KCNQ1: variants seen among roughly 807,000 people sequenced by gnomAD.
The protein encoded by KCNQ1 is potassium voltage-gated channel subfamily Q member 1.
In KCNQ1, 49 loss-of-function variants were observed where a neutral mutation model predicts 72.4. That is an observed-to-expected ratio of 0.68 (90% CI 0.54 to 0.86). The LOEUF is 0.86. KCNQ1 is among the 40% of genes least tolerant of loss of function. The pLI is 0.00. For synonymous variants in KCNQ1, 450 were observed against 412.6 expected (o/e 1.09, Z -1.10); for missense variants, 790 against 945.1 (o/e 0.84, Z 2.15).
At chr11:2,837,205 C>T (rs372126132) in intron 15 of KCNQ1, among the ~76,000 whole-genome samples, 35 of 152,286 alleles carry the variant, frequency 2.3e-4, no homozygotes, top group East Asian at 2.1e-3. Flanking sequence ...CAGCCAAGAG[C>T]GCCCGGGGAG....
chr11:2,618,195 T>C, intron 10 of KCNQ1: 1 of 398,560 alleles, frequency 2.5e-6, no homozygotes, highest in Non-Finnish European at 4.4e-6. Context: ...TTTATTTCTA[T>C]GTATGGTGTA....
chr11:2,760,784 C>T (rs148041611), intron 11 of KCNQ1, among the ~76,000 whole-genome samples: 140 of 152,352 alleles, frequency 9.2e-4, no homozygotes, highest in Admixed American at 8.6e-3. Context: ...CCTTGTCCCC[C>T]TTGCAGGACA....
In KCNQ1 at chr11:2,483,691, G is replaced by C. The variant is rs1846689563; in HGVS notation, c.386+38207G>C. 6.6e-6 allele frequency among the ~76,000 whole-genome samples: 1 copy of C among 152,090 alleles called. No individual in the cohort carries two copies. The highest frequency in any genetic ancestry group is 2.4e-5 in the African/African-American group (1 of 41,398). ...ATTAGATCAAGATTGTGCATTTTTG[G>C]CAAGAACACCGCGGGAGTGTTGTTG... On this transcript the variant is annotated intron_variant, in intron 1 of 15. Coordinates refer to ENST00000155840, the MANE Select transcript of KCNQ1 (RefSeq NM_000218.3). This position sits in a 1 kb window ranked among gnomAD's most constrained non-coding sequence, Gnocchi z 6.1.
intron 10 of KCNQ1, chr11:2,660,348 T>A (rs556987363): frequency 2.5e-6 from 1 of 398,506 alleles, no homozygotes; most frequent in East Asian, 3.6e-5. Context: ...AGGAATAAAT[T>A]TAAGAGAGAA....
rs181346990 is a variant in KCNQ1, at chr11:2,613,441, A to G, written c.1393+24587A>G. 569 of 398,536 alleles carry G rather than the reference A, an allele frequency of 1.4e-3. 1 individual carries two copies. Among genetic ancestry groups the G allele is most frequent in the African/African-American group, 1.0e-2 (487 of 48,708 alleles). 24.7% of individuals were successfully genotyped at this position (398,536 alleles called of 1,614,324 possible). ...CTTAACATAGTGCATAGGGTTTTCT[A>G]TGGAATTCAAAATCAGATGAGCCTT... On this transcript the variant is annotated intron_variant, in intron 10 of 15. Coordinates refer to ENST00000155840, the MANE Select transcript of KCNQ1 (RefSeq NM_000218.3). The surrounding 1 kb of genome is among the most constrained non-coding windows in gnomAD (Gnocchi z 4.8).
In KCNQ1 at chr11:2,645,171, TG is replaced by T. The variant is rs1849647749; in HGVS notation, c.1394-16788del. The T allele has an allele frequency of 5.0e-6, 2 of 398,616 alleles. No individual in the cohort carries two copies. The highest frequency in any genetic ancestry group is 7.1e-5 in the East Asian group (2 of 28,070). 24.7% of individuals were successfully genotyped at this position (398,616 alleles called of 1,614,324 possible). Reference sequence around the variant, plus strand: ...CTTCTGCCTCCCAAGGTGTCCATGCTGGTATTGGGATGGCTGGGATAAGCTG... The same window carrying T: ...CTTCTGCCTCCCAAGGTGTCCATGCTGTATTGGGATGGCTGGGATAAGCTG... On this transcript the variant is annotated intron_variant, in intron 10 of 15. Coordinates refer to ENST00000155840, the MANE Select transcript of KCNQ1 (RefSeq NM_000218.3). This position sits in a 1 kb window ranked among gnomAD's most constrained non-coding sequence, Gnocchi z 5.8.
chr11:2,765,108 A>T (rs1033449998), intron 11 of KCNQ1, among the ~76,000 whole-genome samples: 4 of 152,112 alleles, frequency 2.6e-5, no homozygotes, highest in Admixed American at 1.3e-4. Context: ...CTGCTCTGAG[A>T]TATGCATTTA....
At chr11:2,610,458 G>A (rs1848961828) in intron 10 of KCNQ1, 1 of 398,036 alleles carries the variant, frequency 2.5e-6, no homozygotes, top group Non-Finnish European at 4.4e-6. Context: ...CACTTTTTTG[G>A]TTTTTATGGA....
At chr11:2,729,175 G>A (rs1401891956) in intron 11 of KCNQ1, among the ~76,000 whole-genome samples, 1 of 152,246 alleles carries the variant, frequency 6.6e-6, no homozygotes, top group African/African-American at 2.4e-5. Flanking sequence ...AAGCTGCTTA[G>A]CAAGGCCTAG....
chr11:2,631,561 A>G (rs1849353346), intron 10 of KCNQ1: 1 of 398,314 alleles, frequency 2.5e-6, no homozygotes, highest in Non-Finnish European at 4.4e-6. Context: ...TCTGTAAGGC[A>G]ATTAATGTAT....
At position 2,652,075 on chromosome 11, in the gene KCNQ1, A is replaced by C. The variant is rs1300038233; in HGVS notation, c.1394-9886A>C. 1 of 398,536 alleles carries C rather than the reference A, an allele frequency of 2.5e-6. No homozygotes were observed. Among genetic ancestry groups the C allele is most frequent in the African/African-American group, 2.1e-5 (1 of 48,624 alleles). The allele number at this position is 398,536 out of a possible 1,614,324, so 24.7% of individuals were successfully genotyped here. On this transcript the variant is annotated intron_variant, in intron 10 of 15. Transcript: ENST00000155840. This position sits in a 1 kb window ranked among gnomAD's most constrained non-coding sequence, Gnocchi z 5.9. ...TGTCCAGGCTCCAATTTGAGAAGCT[A>C]TGGGGAGCCTCTCGGCCCCAGTTCT...
rs983036567 is a variant in KCNQ1, at chr11:2,750,293, G to A, written c.1515-18551G>A. ...CCCTCAGCCCAGGGCGGAGGACATG[G>A]GAGACGGGGGTATAGCTGTTGGGCT... On this transcript the variant is annotated intron_variant, in intron 11 of 15. Transcript: ENST00000155840. This position sits in a 1 kb window ranked among gnomAD's most constrained non-coding sequence, Gnocchi z 6.3. Among the ~76,000 whole-genome samples, 1 of 152,202 alleles carries A rather than the reference G, an allele frequency of 6.6e-6. No homozygotes were observed. Among genetic ancestry groups the A allele is most frequent in the African/African-American group, 2.4e-5 (1 of 41,436 alleles).
chr11:2,797,160 T>TG lies in KCNQ1; in HGVS notation c.1794+19130dup, dbSNP rs1395266398. On this transcript the variant is annotated intron_variant, in intron 15 of 15. Coordinates refer to ENST00000155840, the MANE Select transcript of KCNQ1 (RefSeq NM_000218.3). ...CGATGCCGGCCGCTCCGGGCAGACCTGGGGGGGTGGCGGGGGGGAGGCCCT... is the reference window on the plus strand; with the variant it reads ...CGATGCCGGCCGCTCCGGGCAGACCTGGGGGGGGTGGCGGGGGGGAGGCCCT... Among the ~76,000 whole-genome samples, 787 of 131,536 alleles carry TG rather than the reference T, an allele frequency of 6.0e-3. 5 individuals are homozygous for TG. Among genetic ancestry groups the TG allele is most frequent in the African/African-American group, 0.021 (742 of 34,576 alleles). The allele number at this position is 131,536 out of a possible 152,430, so 86.3% of individuals were successfully genotyped here. A position where few individuals can be genotyped will look rare whatever the true frequency, so the allele number is the denominator to read the frequency against.
intron 6 of KCNQ1, among the ~76,000 whole-genome samples, chr11:2,578,030 G>A (rs1383372079): frequency 7.2e-5 from 11 of 152,222 alleles, no homozygotes; most frequent in Non-Finnish European, 1.6e-4. Context: ...GCCCTGCATG[G>A]GGGGAGCCCA....
At position 2,805,654 on chromosome 11, in the gene KCNQ1, C is replaced by T. The variant is rs574227600; in HGVS notation, c.1794+27617C>T. Among the ~76,000 whole-genome samples, 9 of 152,328 alleles carry T rather than the reference C, an allele frequency of 5.9e-5. 1 individual carries two copies. The South Asian group carries it at 6.2e-4, about 11-fold the overall frequency. ...GATCGTGTGACCAACGAAGCCAGAACGATTTACTCTCTGGCCCTTTAGAGA... is the reference window on the plus strand; with the variant it reads ...GATCGTGTGACCAACGAAGCCAGAATGATTTACTCTCTGGCCCTTTAGAGA... On this transcript the variant is annotated intron_variant, in intron 15 of 15. Transcript: ENST00000155840.
intron 2 of KCNQ1, among the ~76,000 whole-genome samples, chr11:2,558,914 T>C (rs1388305039): frequency 6.6e-6 from 1 of 152,100 alleles, no homozygotes; most frequent in Non-Finnish European, 1.5e-5. Context: ...AGTTCCTTTC[T>C]TAGCTAACCC....
chr11:2,531,265 CTGGG>C (rs1589933340), intron 2 of KCNQ1, among the ~76,000 whole-genome samples: 1 of 151,554 alleles, frequency 6.6e-6, no homozygotes, highest in South Asian at 2.1e-4. Context: ...TAGACGTGCC[CTGGG>C]CTCCACATGC....
intron 10 of KCNQ1, chr11:2,618,075 T>C (rs1849097908): frequency 2.5e-6 from 1 of 398,458 alleles, no homozygotes; most frequent in Non-Finnish European, 4.4e-6. Context: ...GCCTGAGCTT[T>C]TGGTGTGATC....
intron 10 of KCNQ1, chr11:2,610,517 C>G: frequency 2.5e-6 from 1 of 398,316 alleles, no homozygotes; most frequent in Non-Finnish European, 4.4e-6. Flanking sequence ...CAGCTTTGCT[C>G]CTATTTACCT....
Sources: allele counts gnomAD v4.1 joint callset (sites outside exome capture counted in the v4.1 genomes callset), GRCh38; gene constraint gnomAD v4.1.1; non-coding constraint Gnocchi (gnomAD v3.1); transcripts MANE v1.5; gene names NCBI Gene and HGNC (gene_info 2026-07-23, HGNC 2026-07-21).